The following GKAP1 variants were observed in gnomAD, a reference collection of about 807,000 sequenced individuals.
GKAP1 encodes the protein G kinase-anchoring protein 1.
In GKAP1, 31 loss-of-function variants were observed where a neutral mutation model predicts 56.7. That is an observed-to-expected ratio of 0.55 (90% CI 0.41 to 0.74). The LOEUF is 0.74. Ranked by LOEUF, GKAP1 falls within the 30% of genes least tolerant of loss-of-function variation. The pLI is 0.00. For synonymous variants in GKAP1, 151 were observed against 138.6 expected (o/e 1.09, Z -0.63); for missense variants, 364 against 402.3 (o/e 0.90, Z 0.82).
At chr9:83,748,177 T>C in intron 10 of GKAP1, 132 bp downstream of exon 10, 1 of 540,682 alleles carries the variant, frequency 1.8e-6, no homozygotes, top group South Asian at 2.6e-5. Flanking sequence ...ATATACAAAT[T>C]ATTGTTAACT....
chr9:83,809,636 T>C (rs931679834), intron 2 of GKAP1, among the ~76,000 whole-genome samples: 4 of 152,204 alleles, frequency 2.6e-5, no homozygotes, highest in Admixed American at 6.5e-5. Flanking sequence ...AATCTCTATA[T>C]TGATTATATT....
chr9:83,804,257 C>G (rs1164832512), intron 3 of GKAP1, among the ~76,000 whole-genome samples: 1 of 143,004 alleles, frequency 7.0e-6, no homozygotes, highest in East Asian at 2.1e-4. Context: ...GTGGGGGGCT[C>G]AGCCCCCCGC....
At chr9:83,800,906 C>G (rs1419967986) in intron 3 of GKAP1, among the ~76,000 whole-genome samples, 1 of 152,204 alleles carries the variant, frequency 6.6e-6, no homozygotes, top group African/African-American at 2.4e-5. Flanking sequence ...TGAATCTATT[C>G]TGGTTCTGGG....
chr9:83,814,573 A>T (rs1944556434), intron 2 of GKAP1, among the ~76,000 whole-genome samples: 1 of 152,226 alleles, frequency 6.6e-6, no homozygotes, highest in African/African-American at 2.4e-5. Context: ...AGATCCTGAA[A>T]GACAAGAGTT....
At chr9:83,759,253 T>C (rs1943529611) in intron 8 of GKAP1, among the ~76,000 whole-genome samples, 1 of 152,140 alleles carries the variant, frequency 6.6e-6, no homozygotes, top group African/African-American at 2.4e-5. Flanking sequence ...ATTAAATTTC[T>C]ATTTTTAATT....
In GKAP1 at chr9:83,805,415, A is replaced by G. The variant is rs571896925; in HGVS notation, c.216+887T>C. ...CCGACCTTCCCTCCACTATTGTCCT[A>G]TGACCCTGCCAAATCCCCCTCTGCG... is the stretch of plus-strand genomic sequence containing the variant. On this transcript the variant is annotated intron_variant, in intron 3 of 12. Coordinates refer to ENST00000376371, the MANE Select transcript of GKAP1 (RefSeq NM_025211.4). 7.5e-3 allele frequency among the ~76,000 whole-genome samples: 1,141 copies of G among 151,980 alleles called. 6 individuals are homozygous for G. Among genetic ancestry groups the G allele is most frequent in the Non-Finnish European group, 0.012 (802 of 67,978 alleles).
At chr9:83,803,078 C>T (rs960501380) in intron 3 of GKAP1, among the ~76,000 whole-genome samples, 1 of 152,076 alleles carries the variant, frequency 6.6e-6, no homozygotes, top group Admixed American at 6.6e-5. Context: ...TACTGCATTC[C>T]AATCTGGGTA....
At chr9:83,768,429 T>C (rs76469048) in intron 8 of GKAP1, among the ~76,000 whole-genome samples, 38 of 152,340 alleles carry the variant, frequency 2.5e-4, no homozygotes, top group Middle Eastern at 3.4e-3. Flanking sequence ...AACCTCTTTT[T>C]TATTGTTCAT....
intron 10 of GKAP1, among the ~76,000 whole-genome samples, chr9:83,745,473 T>C (rs1320796558): frequency 6.6e-6 from 1 of 152,244 alleles, no homozygotes; most frequent in Non-Finnish European, 1.5e-5. Context: ...CTTGGATTAC[T>C]TATGCTATGG....
intron 8 of GKAP1, among the ~76,000 whole-genome samples, chr9:83,760,022 C>T (rs977913968): frequency 2.2e-4 from 33 of 152,164 alleles, no homozygotes; most frequent in African/African-American, 8.0e-4. Context: ...TTCATTACCT[C>T]CATACTTTTA....
intron 9 of GKAP1, among the ~76,000 whole-genome samples, chr9:83,750,395 CA>C (rs1943368526): frequency 6.6e-6 from 1 of 152,120 alleles, no homozygotes; most frequent in Non-Finnish European, 1.5e-5. Context: ...GCAACATATC[CA>C]AAATGAAATC....
chr9:83,790,921 T>C (rs1334746800), intron 4 of GKAP1, among the ~76,000 whole-genome samples: 3 of 152,250 alleles, frequency 2.0e-5, no homozygotes, highest in Non-Finnish European at 2.9e-5. Context: ...CATTTAATTA[T>C]AGAAAGGGCA....
At chr9:83,793,012 C>G in intron 4 of GKAP1, 4 of 1,277,490 alleles carry the variant, frequency 3.1e-6, no homozygotes, top group Non-Finnish European at 4.1e-6. Flanking sequence ...GCCTCCTACT[C>G]CCCATCTAGT....
intron 2 of GKAP1, among the ~76,000 whole-genome samples, chr9:83,814,244 T>C (rs1378211458): frequency 2.6e-5 from 4 of 152,220 alleles, no homozygotes; most frequent in Non-Finnish European, 4.4e-5. Context: ...AGCAACCCTC[T>C]TTCTTCAGAT....
At chr9:83,799,024 A>G (rs1271466084) in intron 4 of GKAP1, among the ~76,000 whole-genome samples, 161 bp downstream of exon 4, 1 of 152,230 alleles carries the variant, frequency 6.6e-6, no homozygotes, top group East Asian at 1.9e-4. Context: ...TTTGTTTTTC[A>G]GTAGATCAAA....
intron 7 of GKAP1, among the ~76,000 whole-genome samples, chr9:83,771,676 T>C (rs1478026800): frequency 6.6e-6 from 1 of 152,172 alleles, no homozygotes; most frequent in African/African-American, 2.4e-5. Flanking sequence ...TAAGAATGCA[T>C]GTGCGATTGC....
At chr9:83,768,744 GCTTA>G (rs1036048024) in intron 8 of GKAP1, 70 bp downstream of exon 8, 113 of 1,258,516 alleles carry the variant, frequency 9.0e-5, no homozygotes, top group Non-Finnish European at 1.1e-4. Flanking sequence ...TGATTCTACT[GCTTA>G]CTTGTTTAAA....
chr9:83,758,345 A>T (rs7042776), intron 8 of GKAP1, among the ~76,000 whole-genome samples: 85,694 of 152,002 alleles, frequency 0.56, 24,770 homozygotes, highest in Admixed American at 0.7. Flanking sequence ...TAACACCTGG[A>T]TTACAAAAGG....
chr9:83,800,490 C>T (rs1000955918), intron 3 of GKAP1, among the ~76,000 whole-genome samples: 2 of 152,000 alleles, frequency 1.3e-5, no homozygotes, highest in Non-Finnish European at 2.9e-5. Context: ...CATGCCACCA[C>T]GCCCAGATAC....
Sources: allele counts gnomAD v4.1 joint callset (sites outside exome capture counted in the v4.1 genomes callset), GRCh38; gene constraint gnomAD v4.1.1; transcripts MANE v1.5; gene names NCBI Gene and HGNC (gene_info 2026-07-23, HGNC 2026-07-21).